The following RNF150 variants were observed in gnomAD, a reference collection of about 807,000 sequenced individuals.
RNF150 encodes the protein ring finger protein 150.
In RNF150, 24 loss-of-function variants were observed where a neutral mutation model predicts 39.3. The ratio of observed to expected loss-of-function variants is 0.61; its 90% confidence interval spans 0.44 to 0.86. RNF150 has a LOEUF of 0.86. Among genes scored for constraint, RNF150 ranks in the 40% least tolerant of loss-of-function variants. The probability of loss-of-function intolerance (pLI) is 0.00; values close to 1 mark genes in which losing one functional copy is unlikely to be tolerated. For synonymous variants in RNF150, 255 were observed against 227.3 expected, an observed-to-expected ratio of 1.12 and a Z score of -1.10; for missense variants, 502 against 587.8, an observed-to-expected ratio of 0.85 and a Z score of 1.51.
intron 1 of RNF150, among the ~76,000 whole-genome samples, chr4:141,185,548 C>T (rs1042373870): frequency 2.6e-5 from 4 of 152,090 alleles, no homozygotes; most frequent in Admixed American, 6.5e-5. Flanking sequence ...TTGTCCTGGT[C>T]CAAACTTCCA....
At chr4:141,200,420 T>C (rs1490500597) in intron 1 of RNF150, among the ~76,000 whole-genome samples, 1 of 151,718 alleles carries the variant, frequency 6.6e-6, no homozygotes, top group Non-Finnish European at 1.5e-5. Context: ...TCCCAAAGAC[T>C]CCACCTCCTA....
chr4:141,143,652 C>T (rs1274052718), intron 1 of RNF150, among the ~76,000 whole-genome samples: 3 of 152,174 alleles, frequency 2.0e-5, no homozygotes, highest in Non-Finnish European at 4.4e-5. Flanking sequence ...GTGCCTTTTC[C>T]GGTCTGCCCC....
intron 1 of RNF150, among the ~76,000 whole-genome samples, chr4:141,016,270 C>T (rs907324832): frequency 6.6e-6 from 1 of 152,152 alleles, no homozygotes; most frequent in Non-Finnish European, 1.5e-5. Context: ...GGACTCTGGA[C>T]CAGACTGAAG....
chr4:141,209,177 C>G (rs977290387), intron 1 of RNF150, among the ~76,000 whole-genome samples: 4 of 151,542 alleles, frequency 2.6e-5, no homozygotes, highest in African/African-American at 9.7e-5. Flanking sequence ...AGGCAAATTG[C>G]GTTTCCCGAC....
chr4:141,052,443 T>C (rs1241388170), intron 1 of RNF150, among the ~76,000 whole-genome samples: 1 of 152,220 alleles, frequency 6.6e-6, no homozygotes, highest in Non-Finnish European at 1.5e-5. Flanking sequence ...TGGCGCGATC[T>C]TGGCTCACTG....
At chr4:140,936,115 C>A (rs1379223551) in intron 4 of RNF150, among the ~76,000 whole-genome samples, 1 of 152,140 alleles carries the variant, frequency 6.6e-6, no homozygotes, top group Non-Finnish European at 1.5e-5. Context: ...ACATCAATAG[C>A]TTGTTTTTTT....
chr4:141,117,905 G>C (rs1384544534), intron 1 of RNF150, among the ~76,000 whole-genome samples: 1 of 152,182 alleles, frequency 6.6e-6, no homozygotes, highest in East Asian at 1.9e-4. Flanking sequence ...AACTGGAAAG[G>C]TGATTTGTAG....
At chr4:140,934,792 C>A (rs1241073330) in intron 4 of RNF150, among the ~76,000 whole-genome samples, 1 of 151,390 alleles carries the variant, frequency 6.6e-6, no homozygotes, top group East Asian at 1.9e-4. Flanking sequence ...ACAGTGCTGG[C>A]CCAGAAGTCA....
intron 2 of RNF150, among the ~76,000 whole-genome samples, chr4:140,956,420 G>A (rs1228171798): frequency 2.0e-5 from 3 of 152,128 alleles, no homozygotes; most frequent in African/African-American, 7.2e-5. Flanking sequence ...TCAGGATCAG[G>A]AGTCTGTCAT....
rs79043875 is a variant in RNF150 at position 140,998,381 on chromosome 4, G to C, written c.485-30508C>G. Among the ~76,000 whole-genome samples, 705 of 152,336 alleles carry C rather than the reference G, an allele frequency of 4.6e-3. 1 individual carries two copies. Among genetic ancestry groups the C allele is most frequent in the Middle Eastern group, 0.017 (5 of 294 alleles). ...AGATACATCAGGTGTGCCACACACA[G>C]AGGCAAGGCCACATGAGGCCACAGT... On this transcript the variant is annotated intron_variant, in intron 1 of 6. Transcript: ENST00000515673.
At chr4:141,128,473 TATC>T (rs1726807331) in intron 1 of RNF150, among the ~76,000 whole-genome samples, 2 of 152,212 alleles carry the variant, frequency 1.3e-5, no homozygotes, top group Non-Finnish European at 1.5e-5. Context: ...AAATTTCTGA[TATC>T]ATCATTTTCC....
chr4:141,107,773 A>G (rs1458795201), intron 1 of RNF150, among the ~76,000 whole-genome samples: 1 of 152,106 alleles, frequency 6.6e-6, no homozygotes, highest in Non-Finnish European at 1.5e-5. Flanking sequence ...AGAGCAAACC[A>G]TTTTAACTAG....
chr4:141,145,659 C>A (rs547178799), intron 1 of RNF150, among the ~76,000 whole-genome samples: 3 of 152,274 alleles, frequency 2.0e-5, no homozygotes, highest in East Asian at 3.9e-4. Flanking sequence ...ACTGAAAAAT[C>A]TTTGAAATGA....
intron 1 of RNF150, among the ~76,000 whole-genome samples, chr4:141,102,781 T>C (rs185661184): frequency 6.6e-6 from 1 of 152,224 alleles, no homozygotes; most frequent in Non-Finnish European, 1.5e-5. Flanking sequence ...CATGGTTTCC[T>C]AAGCGGTTGT....
intron 5 of RNF150, among the ~76,000 whole-genome samples, chr4:140,919,358 G>A (rs1417717937): frequency 1.5e-5 from 2 of 137,922 alleles, no homozygotes; most frequent in Non-Finnish European, 3.1e-5. Context: ...CAAAATCAAT[G>A]TACAAACATC....
chr4:141,146,571 T>C (rs1025626197), intron 1 of RNF150, among the ~76,000 whole-genome samples: 1 of 33,790 alleles, frequency 3.0e-5, no homozygotes, highest in African/African-American at 1.0e-4. Flanking sequence ...CTGCTGTAAT[T>C]ATCAGCAATA....
At chr4:140,893,365 T>A (rs1729826902) in intron 6 of RNF150, among the ~76,000 whole-genome samples, 1 of 152,218 alleles carries the variant, frequency 6.6e-6, no homozygotes, top group Non-Finnish European at 1.5e-5. Context: ...GAAGATATCA[T>A]GTTGATTTTT....
chr4:140,965,903 G>T (rs1000540251), intron 2 of RNF150, among the ~76,000 whole-genome samples: 2 of 152,014 alleles, frequency 1.3e-5, no homozygotes, highest in Non-Finnish European at 2.9e-5. Context: ...GATTTTACCT[G>T]CTCTTGTCAT....
intron 1 of RNF150, among the ~76,000 whole-genome samples, chr4:141,152,235 A>C (rs1179009930): frequency 6.6e-6 from 1 of 152,212 alleles, no homozygotes; most frequent in Non-Finnish European, 1.5e-5. Context: ...ATTCACTTAA[A>C]AATTCAGCCA....
Sources: gnomAD v4.1 joint callset for allele counts (sites outside exome capture counted in the v4.1 genomes callset) on GRCh38, gnomAD v4.1.1 for gene constraint, MANE v1.5 for transcripts, NCBI Gene and HGNC (gene_info 2026-07-23, HGNC 2026-07-21) for gene names.